The following NBAS variants were observed in gnomAD, a reference collection of about 807,000 sequenced individuals.
The protein encoded by NBAS is NBAS subunit of NRZ tethering complex.
In NBAS, 219 loss-of-function variants were observed where a neutral mutation model predicts 302.5. The ratio of observed to expected loss-of-function variants is 0.72; its 90% CI spans 0.65 to 0.81. The LOEUF is 0.81. NBAS is among the 30% of genes least tolerant of loss of function. The probability of loss-of-function intolerance (pLI) is 0.00; values close to 1 mark genes in which losing one functional copy is unlikely to be tolerated. For missense variants in NBAS, 2,932 were observed against 2,841.6 expected, an observed-to-expected ratio of 1.03 and a Z score of -0.72; for synonymous variants, 1,118 against 1,021.6, an observed-to-expected ratio of 1.09 and a Z score of -1.80.
chr2:15,255,069 C>A (rs950477692), intron 44 of NBAS, among the ~76,000 whole-genome samples: 1 of 152,082 alleles, frequency 6.6e-6, no homozygotes, highest in East Asian at 1.9e-4. Context: ...TCTTTTCTTC[C>A]GGGTTAAATA....
the NBAS span, among the ~76,000 whole-genome samples, chr2:15,113,873 C>T: frequency 6.6e-6 from 1 of 151,848 alleles, no homozygotes; most frequent in Non-Finnish European, 1.5e-5. Context: ...CAAAAACCAC[C>T]ATTTTATAAT....
At chr2:14,860,530 G>C in the NBAS span, among the ~76,000 whole-genome samples, 3 of 152,120 alleles carry the variant, frequency 2.0e-5, no homozygotes, top group African/African-American at 7.2e-5. Context: ...TTCATTTGCA[G>C]CAACATGGAT....
At chr2:15,396,503 A>G in intron 26 of NBAS, 28 bp from the exon 27 acceptor site, 2 of 1,500,380 alleles carry the variant, frequency 1.3e-6, no homozygotes, top group Non-Finnish European at 1.8e-6. Flanking sequence ...GAAAAAAAAA[A>G]GCCCTTAAGT....
At chr2:15,314,232 G>A (rs1006463356) in intron 38 of NBAS, among the ~76,000 whole-genome samples, 9 of 151,924 alleles carry the variant, frequency 5.9e-5, no homozygotes, top group African/African-American at 1.7e-4. Context: ...GGCATGCACC[G>A]GTAGTCCCAG....
Position 15,418,711 on chromosome 2 carries a change from G to A in NBAS, c.2578-999C>T, listed in dbSNP as rs116942592. ...TTGTGAGGTGAGGAAGGAAGATTAT[G>A]GGAAGGAGAGCAGCATGGAATGCAG... On this transcript the variant is annotated intron_variant, in intron 23 of 51. Coordinates refer to ENST00000281513, the MANE Select transcript of NBAS (RefSeq NM_015909.4). Among the ~76,000 whole-genome samples, 65 of 152,272 alleles carry A rather than the reference G, an allele frequency of 4.3e-4. No individual in the cohort carries two copies. In the East Asian group the frequency reaches 0.012, roughly 28 times the overall value.
At chr2:15,260,345 G>C (rs1668791043) in intron 44 of NBAS, among the ~76,000 whole-genome samples, 1 of 152,134 alleles carries the variant, frequency 6.6e-6, no homozygotes, top group Admixed American at 6.5e-5. Flanking sequence ...CAAATTCCCT[G>C]GCTCTTATCA....
the NBAS span, among the ~76,000 whole-genome samples, chr2:14,963,949 A>T: frequency 3.3e-5 from 5 of 152,264 alleles, no homozygotes; most frequent in Non-Finnish European, 7.3e-5. Flanking sequence ...CTTCCTCAGC[A>T]AAGCGGAATA....
chr2:15,134,841 C>T, the NBAS span, among the ~76,000 whole-genome samples: 32 of 152,158 alleles, frequency 2.1e-4, no homozygotes, highest in Non-Finnish European at 1.9e-4. Flanking sequence ...TTGCATGATA[C>T]ACGCAGTAAC....
At chr2:15,218,649 A>C in intron 48 of NBAS, 124 bp downstream of exon 48, 1 of 1,262,844 alleles carries the variant, frequency 7.9e-7, no homozygotes, top group South Asian at 1.2e-5. Context: ...GCTGGTCTTG[A>C]ACTCCTGGCC....
the NBAS span, among the ~76,000 whole-genome samples, chr2:15,105,660 T>C: frequency 6.6e-6 from 1 of 152,050 alleles, no homozygotes; most frequent in African/African-American, 2.4e-5. Flanking sequence ...CCAATTTAAG[T>C]GAAATATTTC....
At position 15,386,096 on chromosome 2, in the gene NBAS, T is replaced by A. The variant is rs141536425; in HGVS notation, c.3258-2779A>T. Among the ~76,000 whole-genome samples, 723 of 152,272 alleles carry A rather than the reference T, an allele frequency of 4.7e-3. 8 individuals are homozygous for A. The highest frequency in any genetic ancestry group is 0.016 in the African/African-American group (673 of 41,550). ...CTGATATGTAAGTTCCTAACTGAGG[T>A]GTATGGTGGCTATAACACTTGCACT... is the stretch of plus-strand genomic sequence containing the variant. On this transcript the variant is annotated intron_variant, in intron 28 of 51. Coordinates refer to ENST00000281513, the MANE Select transcript of NBAS (RefSeq NM_015909.4).
At chr2:15,225,571 A>G (rs1667119936) in intron 47 of NBAS, among the ~76,000 whole-genome samples, 1 of 152,232 alleles carries the variant, frequency 6.6e-6, no homozygotes, top group South Asian at 2.1e-4. Context: ...ATAACAGCAA[A>G]GAGTTTAATA....
At chr2:15,018,094 C>A in the NBAS span, among the ~76,000 whole-genome samples, 1 of 151,876 alleles carries the variant, frequency 6.6e-6, no homozygotes, top group African/African-American at 2.4e-5. Context: ...AAAAGTGGAT[C>A]TCATAGAAGT....
At chr2:14,895,282 A>G in the NBAS span, among the ~76,000 whole-genome samples, 9 of 152,322 alleles carry the variant, frequency 5.9e-5, no homozygotes, top group African/African-American at 1.9e-4. Flanking sequence ...CTATGTGAAT[A>G]TATTACTTTG....
In NBAS at chr2:15,394,292, G is replaced by A. The variant is rs1307823274; in HGVS notation, c.3192C>T (p.Asn1064=). 3 of 1,613,198 alleles carry A rather than the reference G, an allele frequency of 1.9e-6. No homozygotes were observed. Among genetic ancestry groups the A allele is most frequent in the Middle Eastern group, 1.7e-4 (1 of 6,060 alleles). ...GLEKPISFVK[N]TQSSSEEARK... Reference sequence around the variant, plus strand: ...GTGCCTCTTCTGAGCTAGATTGAGTGTTTTTAACAAATGAAATTGGTTTCT... The same window carrying A: ...GTGCCTCTTCTGAGCTAGATTGAGTATTTTTAACAAATGAAATTGGTTTCT... Residue 1064 remains asparagine, a synonymous_variant, in exon 28 of 52, where the codon AAC becomes AAT. Coordinates refer to ENST00000281513, the MANE Select transcript of NBAS (RefSeq NM_015909.4).
At position 15,460,421 on chromosome 2, in the gene NBAS, G is replaced by T. The variant is rs80269118; in HGVS notation, c.2339+780C>A. Among the ~76,000 whole-genome samples, 928 of 152,260 alleles carry T rather than the reference G, an allele frequency of 6.1e-3. 11 individuals carry two copies. Among genetic ancestry groups the T allele is most frequent in the African/African-American group, 0.02 (830 of 41,550 alleles). On this transcript the variant is annotated intron_variant, in intron 21 of 51. Transcript: ENST00000281513. ...GTGGGCTAGCTTACCTCACGTAAAA[G>T]TTCACACAAATGGATGTGTCATCTT...
chr2:15,144,065 A>ATATAT, the NBAS span, among the ~76,000 whole-genome samples: 37 of 121,656 alleles, frequency 3.0e-4, no homozygotes, highest in East Asian at 1.3e-3. Context: ...ATATATATAT[A>ATATAT]TATCTCCCAT....
chr2:14,795,474 C>CATATATATATATATATATATATAT, the NBAS span, among the ~76,000 whole-genome samples: 6 of 147,746 alleles, frequency 4.1e-5, no homozygotes, highest in African/African-American at 1.6e-4. Flanking sequence ...CAAGATTTTA[C>CATATATATATATATATATATATAT]ATATATATAT....
the NBAS span, among the ~76,000 whole-genome samples, chr2:15,116,622 A>G: frequency 6.6e-6 from 1 of 152,224 alleles, no homozygotes; most frequent in Non-Finnish European, 1.5e-5. Flanking sequence ...TATTCAATCC[A>G]TAACAAGAGC....
Sources: allele counts gnomAD v4.1 joint callset (sites outside exome capture counted in the v4.1 genomes callset), GRCh38; gene constraint gnomAD v4.1.1; transcripts MANE v1.5; gene names NCBI Gene and HGNC (gene_info 2026-07-23, HGNC 2026-07-21).